Variants in AGBL1 observed in about 807,000 individuals in gnomAD.
AGBL1 encodes AGBL carboxypeptidase 1, also known as cytosolic carboxypeptidase 4.
A neutral mutation model predicts 118.9 loss-of-function variants in AGBL1; 130 were observed. That is an observed-to-expected ratio of 1.09 (90% CI 0.95 to 1.26). AGBL1 has a LOEUF of 1.26. Among genes scored for constraint, AGBL1 ranks in the 50% most tolerant of loss-of-function variants. The pLI is 0.00. For missense variants in AGBL1, 1,584 were observed against 1,298.1 expected, an observed-to-expected ratio of 1.22 and a Z score of -3.38; for synonymous variants, 555 against 478.9, an observed-to-expected ratio of 1.16 and a Z score of -2.08.
intron 19 of AGBL1, among the ~76,000 whole-genome samples, chr15:86,526,814 G>T (rs1056678131): frequency 6.6e-6 from 1 of 151,860 alleles, no homozygotes; most frequent in African/African-American, 2.4e-5. Flanking sequence ...GTATGCAAAG[G>T]CATACAGACT....
intron 21 of AGBL1, among the ~76,000 whole-genome samples, chr15:86,653,805 C>T (rs1220008578): frequency 1.3e-5 from 2 of 152,136 alleles, no homozygotes; most frequent in African/African-American, 2.4e-5. Flanking sequence ...AACACGATCA[C>T]CTTGGGCTGG....
chr15:86,267,072 C>A lies in AGBL1; in HGVS notation c.1834C>A (p.Arg612Ser), dbSNP rs767547891. Residue 612 changes from arginine (R) to serine (S), a missense_variant, in exon 13 of 23, where the codon CGT becomes AGT. Physicochemically the swap from Arg to Ser is moderately radical, Grantham distance 110 (BLOSUM62 -1). Transcript: ENST00000614907. The part of the protein sequence containing the change: ...SGNLRKAIQV[R>S]EFEYDLLVNA... ...AAATCTTCGCAAAGCCATCCAAGTGCGTGAGTAAGTAAGGAAAACCACAGT... is the reference window on the plus strand; with the variant it reads ...AAATCTTCGCAAAGCCATCCAAGTGAGTGAGTAAGTAAGGAAAACCACAGT... The A allele has an allele frequency of 6.4e-7, 1 of 1,559,804 alleles. No individual in the cohort carries two copies. Among genetic ancestry groups the A allele is most frequent in the Non-Finnish European group, 8.7e-7 (1 of 1,150,922 alleles).
rs139453412 is a variant in AGBL1 at position 86,266,224 on chromosome 15, T to A, written c.1668-150T>A. On this transcript the variant is annotated intron_variant, in intron 11 of 22. Transcript: ENST00000614907. ...AAGAAGAAGGGCAGGGCTATTTGTA[T>A]GCTCTGAGCTCAAAGTTGAGGTGTT... 2.2e-3 allele frequency: 1,043 copies of A among 475,418 alleles called. 5 individuals are homozygous for A. The highest frequency in any genetic ancestry group is 0.019 in the African/African-American group (962 of 50,434). The allele number at this position is 475,418 out of a possible 1,614,324, so 29.4% of individuals were successfully genotyped here. A position where few individuals can be genotyped will look rare whatever the true frequency, so the allele number is the denominator to read the frequency against.
Position 86,447,969 on chromosome 15 carries a change from A to G in AGBL1, c.2555+50423A>G, listed in dbSNP as rs532348687. 1.5e-3 allele frequency among the ~76,000 whole-genome samples: 221 copies of G among 151,978 alleles called. 5 individuals are homozygous for G. In the South Asian group the frequency reaches 0.044, roughly 30 times the overall value. ...AGATCGACATGGGCAACATAACGAGACCTCGACTCTACAAAAAATACAAAA... is the reference window on the plus strand; with the variant it reads ...AGATCGACATGGGCAACATAACGAGGCCTCGACTCTACAAAAAATACAAAA... On this transcript the variant is annotated intron_variant, in intron 18 of 22. Transcript: ENST00000614907.
intron 22 of AGBL1, among the ~76,000 whole-genome samples, chr15:86,814,966 C>G (rs2078839450): frequency 6.6e-6 from 1 of 152,072 alleles, no homozygotes; most frequent in South Asian, 2.1e-4. Context: ...GTTTACTTCT[C>G]TCCTTTAGTT....
chr15:86,274,604 G>A (rs2079215712), intron 15 of AGBL1, among the ~76,000 whole-genome samples: 1 of 152,138 alleles, frequency 6.6e-6, no homozygotes, highest in Non-Finnish European at 1.5e-5. Context: ...TCTCCCTTTG[G>A]AGACCTCTCC....
chr15:86,295,872 G>T, intron 17 of AGBL1: 1 of 155,266 alleles, frequency 6.4e-6, no homozygotes, highest in Admixed American at 6.2e-5. Flanking sequence ...GATGTGGACA[G>T]GCTCTAGCTA....
At chr15:86,356,065 C>A (rs1039211520) in intron 17 of AGBL1, among the ~76,000 whole-genome samples, 1 of 152,076 alleles carries the variant, frequency 6.6e-6, no homozygotes, top group African/African-American at 2.4e-5. Context: ...CTATCTTCTG[C>A]GTTTTAAATC....
chr15:86,783,995 A>G (rs1449775641), intron 22 of AGBL1, among the ~76,000 whole-genome samples: 2 of 152,200 alleles, frequency 1.3e-5, no homozygotes, highest in Non-Finnish European at 2.9e-5. Flanking sequence ...GAGTAGAAGT[A>G]AGAACATGGA....
intron 22 of AGBL1, among the ~76,000 whole-genome samples, chr15:86,825,687 G>T (rs1457578055): frequency 7.4e-6 from 1 of 135,402 alleles, no homozygotes; most frequent in South Asian, 2.7e-4. Context: ...AAGGAAGGGA[G>T]AGAGGGAGGG....
chr15:86,583,152 T>TA (rs560979413), intron 21 of AGBL1, among the ~76,000 whole-genome samples: 32 of 149,664 alleles, frequency 2.1e-4, no homozygotes, highest in South Asian at 8.4e-4. Flanking sequence ...AATTGGAATT[T>TA]AAAAAAAAAA....
At chr15:86,721,451 G>A (rs79644587) in intron 22 of AGBL1, among the ~76,000 whole-genome samples, 3 of 152,064 alleles carry the variant, frequency 2.0e-5, no homozygotes, top group South Asian at 4.1e-4. Flanking sequence ...ATTCAACAAC[G>A]CTTCATGCTA....
intron 23 of AGBL1, among the ~76,000 whole-genome samples, chr15:86,926,737 C>A (rs191296192): frequency 8.5e-5 from 13 of 152,314 alleles, no homozygotes; most frequent in African/African-American, 2.6e-4. Context: ...ATTGCCAAGT[C>A]ATTCAAGCCA....
At chr15:86,344,233 T>C (rs944993698) in intron 17 of AGBL1, among the ~76,000 whole-genome samples, 3 of 152,228 alleles carry the variant, frequency 2.0e-5, no homozygotes, top group African/African-American at 7.2e-5. Flanking sequence ...AGAACCACTG[T>C]TATTGTCACA....
intron 17 of AGBL1, among the ~76,000 whole-genome samples, chr15:86,314,423 G>T (rs11636987): frequency 0.61 from 92,572 of 152,030 alleles, 28,806 homozygotes; most frequent in Non-Finnish European, 0.67. Flanking sequence ...AAAGGGCATG[G>T]TGTCCCCATG....
intron 5 of AGBL1, among the ~76,000 whole-genome samples, chr15:86,191,745 T>G (rs2077724871): frequency 6.6e-6 from 1 of 151,978 alleles, no homozygotes; most frequent in Non-Finnish European, 1.5e-5. Flanking sequence ...GAAATCTTCC[T>G]CCATTATTAC....
At chr15:86,902,445 A>G (rs1191693310) in intron 22 of AGBL1, among the ~76,000 whole-genome samples, 2 of 152,158 alleles carry the variant, frequency 1.3e-5, no homozygotes, top group Admixed American at 1.3e-4. Context: ...GTCAAACATC[A>G]TCTTAAAAAC....
Position 86,728,254 on chromosome 15 carries a change from T to C in AGBL1, c.3158+53818T>C, listed in dbSNP as rs183353941. On this transcript the variant is annotated intron_variant, in intron 22 of 22. Coordinates refer to ENST00000614907, the MANE Select transcript of AGBL1 (RefSeq NM_001386094.1). ...ACAGTGCAGGTGGACCTGGGGCCTT[T>C]GGCTTCCTGCTGCAGGGTTCTTTCC... Among the ~76,000 whole-genome samples the C allele has an allele frequency of 1.8e-4, 28 of 152,342 alleles. No individual in the cohort carries two copies. In the Middle Eastern group the frequency reaches 0.014, roughly 74 times the overall value.
chr15:86,590,737 C>G (rs1432693906), intron 21 of AGBL1, among the ~76,000 whole-genome samples: 3 of 152,128 alleles, frequency 2.0e-5, no homozygotes, highest in Non-Finnish European at 4.4e-5. Context: ...GGGAGAAGGC[C>G]TGGCAGTATA....
Sources: gnomAD v4.1 joint callset for allele counts (sites outside exome capture counted in the v4.1 genomes callset) on GRCh38, gnomAD v4.1.1 for gene constraint, MANE v1.5 for transcripts, NCBI Gene and HGNC (gene_info 2026-07-23, HGNC 2026-07-21) for gene names.